Variants in NEB observed in about 807,000 individuals in gnomAD.
NEB encodes nemaline myopathy type 2.
Under a neutral mutation model 952.2 loss-of-function variants are expected in NEB, and 512 were observed. The ratio of observed to expected loss-of-function variants is 0.54; its 90% CI spans 0.50 to 0.58. The LOEUF is 0.58. Ranked by LOEUF, NEB falls within the 20% of genes least tolerant of loss-of-function variation. NEB has a pLI of 0.00. For missense variants in NEB, 8,428 were observed against 9,231.1 expected, an observed-to-expected ratio of 0.91 and a Z score of 3.56; for synonymous variants, 2,900 against 3,149.8, an observed-to-expected ratio of 0.92 and a Z score of 2.66.
At chr2:151,690,419 G>T (rs945618769) in intron 24 of NEB, 15 of 272,934 alleles carry the variant, frequency 5.5e-5, no homozygotes, top group Non-Finnish European at 3.6e-5. Context: ...TGCTTTTGTT[G>T]TCACTGTTTA....
intron 127 of NEB, 33 bp from the exon 128 acceptor site, chr2:151,552,809 A>G (rs756867494): frequency 2.0e-6 from 3 of 1,514,312 alleles, no homozygotes; most frequent in Non-Finnish European, 2.7e-6. Context: ...CCCATGTTGG[A>G]CCATTCCTTA....
chr2:151,696,870 C>T, intron 16 of NEB, 135 bp from the exon 17 acceptor site: 1 of 682,830 alleles, frequency 1.5e-6, no homozygotes, highest in Non-Finnish European at 2.5e-6. Context: ...TTTTTTCTAA[C>T]TAGACTGTAG....
intron 142 of NEB, among the ~76,000 whole-genome samples, chr2:151,534,708 G>T (rs1162299346): frequency 2.6e-5 from 4 of 152,144 alleles, no homozygotes; most frequent in Non-Finnish European, 5.9e-5. Context: ...AAACATCCAC[G>T]GGAAATTTGT....
At chr2:151,640,231 G>T in intron 61 of NEB, 124 bp downstream of exon 61, 9 of 1,489,484 alleles carry the variant, frequency 6.0e-6, no homozygotes, top group Non-Finnish European at 8.2e-6. Flanking sequence ...AATTCCTGTC[G>T]ATAAAGGCAA....
At chr2:151,612,106 A>T in intron 78 of NEB, 80 bp downstream of exon 78, 1 of 1,453,158 alleles carries the variant, frequency 6.9e-7, no homozygotes, top group South Asian at 1.2e-5. Context: ...TTCTCAGGGA[A>T]TCCTTAGGGA....
chr2:151,659,215 GCTCA>G, intron 46 of NEB, 46 bp from the exon 47 acceptor site: 1 of 1,282,146 alleles, frequency 7.8e-7, no homozygotes, highest in South Asian at 1.2e-5. Context: ...CTTAAAAGAA[GCTCA>G]CTTAGTACAT....
intron 114 of NEB, 84 bp downstream of exon 114, chr2:151,567,084 A>G: frequency 2.5e-6 from 3 of 1,222,562 alleles, no homozygotes; most frequent in Non-Finnish European, 3.4e-6. Context: ...TCAAATTTCA[A>G]GCACTTGTGG....
At chr2:151,561,171 T>C in intron 122 of NEB, 37 bp downstream of exon 122, 1 of 1,576,150 alleles carries the variant, frequency 6.3e-7, no homozygotes, top group Non-Finnish European at 8.7e-7. Context: ...AGACAAGAAA[T>C]AGTTTGTCCC....
At position 151,533,488 on chromosome 2, in the gene NEB, C is replaced by T. The variant is rs201094791; in HGVS notation, c.21371G>A (p.Arg7124His). The change falls in exon 143 of 182, where the codon CGT becomes CAT. Residue 7124 changes from arginine (R) to histidine (H), a missense_variant. Arg to His is a conservative substitution (Grantham distance 29). This residue lies in a region of NEB where 3,374 missense variants were observed against 3,651.5 expected (regional missense o/e 0.92). Transcript: ENST00000397345. ...FLQHGCNEIL[R>H]PDMLTALYNS... ...GTAGAGAGCAGTCAACATATCTGGACGCAGAATTTCATTACATCCATGTTG... is the reference window on the plus strand; with the variant it reads ...GTAGAGAGCAGTCAACATATCTGGATGCAGAATTTCATTACATCCATGTTG... 234 of 1,551,508 alleles carry T rather than the reference C, an allele frequency of 1.5e-4. No homozygotes were observed. The highest frequency in any genetic ancestry group is 2.9e-4 in the African/African-American group (21 of 73,140).
At chr2:151,521,512 A>G (rs761921595) in intron 153 of NEB, among the ~76,000 whole-genome samples, 1 of 152,236 alleles carries the variant, frequency 6.6e-6, no homozygotes, top group Non-Finnish European at 1.5e-5. Context: ...AAACTAGGAG[A>G]TGTTCCCAAG....
At chr2:151,498,840 C>T (rs1024279742) in intron 169 of NEB, among the ~76,000 whole-genome samples, 5 of 150,792 alleles carry the variant, frequency 3.3e-5, no homozygotes, top group Non-Finnish European at 4.4e-5. Flanking sequence ...TTTGGGTGAA[C>T]ACATTGAGAA....
intron 121 of NEB, 112 bp from the exon 122 acceptor site, chr2:151,561,424 C>T: frequency 2.7e-6 from 2 of 736,308 alleles, no homozygotes; most frequent in Non-Finnish European, 4.7e-6. Flanking sequence ...TGCTTTAATC[C>T]TAACAAACAG....
In NEB at chr2:151,696,620, T is replaced by A. The variant is rs1559359393; in HGVS notation, c.1569+17A>T. 1 of 1,580,894 alleles carries A rather than the reference T, an allele frequency of 6.3e-7. No individual in the cohort carries two copies. The highest frequency in any genetic ancestry group is 1.1e-5 in the South Asian group (1 of 90,286). On this transcript the variant is annotated intron_variant, in intron 17 of 181. Transcript: ENST00000397345. ...ATCCCTCATAATTGGGTGTCCTGAG[T>A]AGTTAGAGGAACTTACGTCACTCAG...
At chr2:151,660,698 G>A (rs1404685226) in intron 46 of NEB, among the ~76,000 whole-genome samples, 1 of 152,134 alleles carries the variant, frequency 6.6e-6, no homozygotes, top group African/African-American at 2.4e-5. Context: ...ACTCAACTCT[G>A]CTGTTGTAGT....
intron 173 of NEB, chr2:151,495,335 T>A (rs1298810654): frequency 2.0e-5 from 3 of 152,222 alleles, no homozygotes; most frequent in Non-Finnish European, 4.4e-5. Flanking sequence ...AGGTCAGTAA[T>A]GAGAACTTGT....
At chr2:151,571,452 T>A (rs917984460) in intron 107 of NEB, among the ~76,000 whole-genome samples, 1 of 152,238 alleles carries the variant, frequency 6.6e-6, no homozygotes, top group Non-Finnish European at 1.5e-5. Flanking sequence ...TTATTGAATT[T>A]CTTTAATGCA....
At position 151,492,147 on chromosome 2, in the gene NEB, C is replaced by A; in HGVS notation, c.25008G>T (p.Val8336=). ...CATTCCGTTTTTGTTCCATTTCTAC[C>A]ACTTTCCTCTGAATACCTCGGTAGT... ...DINYRGIQRK[V]VEMEQKRNDQ... Residue 8336 remains valine, a synonymous_variant, in exon 178 of 182, where the codon GTG becomes GTT. Transcript: ENST00000397345. 6.2e-7 allele frequency: 1 copy of A among 1,613,914 alleles called. No individual in the cohort carries two copies. The highest frequency in any genetic ancestry group is 8.5e-7 in the Non-Finnish European group (1 of 1,179,860).
chr2:151,634,746 T>A (rs1429190584), intron 64 of NEB, among the ~76,000 whole-genome samples: 2 of 152,122 alleles, frequency 1.3e-5, no homozygotes, highest in Non-Finnish European at 2.9e-5. Context: ...TATTATTATT[T>A]TACTAGATTC....
intron 130 of NEB, 92 bp from the exon 131 acceptor site, chr2:151,548,507 T>G: frequency 3.3e-6 from 3 of 904,070 alleles, no homozygotes; most frequent in Non-Finnish European, 5.4e-6. Context: ...CACCTTTATT[T>G]GAAAAATTGC....
Sources: gnomAD v4.1 joint callset for allele counts (sites outside exome capture counted in the v4.1 genomes callset) on GRCh38, gnomAD v4.1.1 for gene constraint, gnomAD v4.1.1 regional missense constraint, MANE v1.5 for transcripts, NCBI Gene and HGNC (gene_info 2026-07-23, HGNC 2026-07-21) for gene names.